PDE10A: variants seen among roughly 807,000 people sequenced by gnomAD.
PDE10A encodes cAMP and cAMP-inhibited cGMP 3',5'-cyclic phosphodiesterase 10A.
In PDE10A, 39 loss-of-function variants were observed where a neutral mutation model predicts 97.7. That is an observed-to-expected ratio of 0.40 (90% CI 0.31 to 0.52). The LOEUF (loss-of-function observed/expected upper bound fraction) is 0.52. PDE10A is among the 20% of genes least tolerant of loss of function. The pLI, the probability that PDE10A is intolerant of heterozygous loss-of-function variation, is 0.56. For synonymous variants in PDE10A, 371 were observed against 376.8 expected (o/e 0.98, Z 0.18); for missense variants, 731 against 1,047.8 (o/e 0.70, Z 4.17).
chr6:165,430,499 A>G (rs1017025522), intron 8 of PDE10A, among the ~76,000 whole-genome samples, 154 bp from the exon 9 acceptor site: 2 of 152,192 alleles, frequency 1.3e-5, no homozygotes, highest in Admixed American at 1.3e-4. Context: ...ATTAATATTT[A>G]CTGAATACTT....
At chr6:165,459,755 C>A (rs1353698363) in intron 3 of PDE10A, among the ~76,000 whole-genome samples, 2 of 152,048 alleles carry the variant, frequency 1.3e-5, no homozygotes, top group Non-Finnish European at 2.9e-5. Context: ...CGGAGGTAAT[C>A]TGCATAAAGC....
chr6:165,804,333 G>A (rs997266342), intron 1 of PDE10A, among the ~76,000 whole-genome samples: 2 of 152,184 alleles, frequency 1.3e-5, no homozygotes, highest in African/African-American at 4.8e-5. Context: ...GTTGACAGCT[G>A]CTACAGGAAT....
chr6:165,711,620 G>C lies in PDE10A; in HGVS notation c.-614-168052C>G, dbSNP rs1791897374. On this transcript the variant is annotated intron_variant, in intron 1 of 19. Transcript: ENST00000366882. This position sits in a 1 kb window ranked among gnomAD's most constrained non-coding sequence, Gnocchi z 4.5. ...GGAATGTGAGTGTGTGTCTTGGTAGGGTCAATGAGATGAAGGTAAGAGAAG... is the reference window on the plus strand; with the variant it reads ...GGAATGTGAGTGTGTGTCTTGGTAGCGTCAATGAGATGAAGGTAAGAGAAG... Among the ~76,000 whole-genome samples the C allele has an allele frequency of 6.6e-6, 1 of 152,066 alleles. No homozygotes were observed. Among genetic ancestry groups the C allele is most frequent in the African/African-American group, 2.4e-5 (1 of 41,398 alleles).
chr6:165,396,252 T>C lies in PDE10A; in HGVS notation c.2219+65A>G, dbSNP rs563612950. The C allele has an allele frequency of 2.8e-6, 4 of 1,443,714 alleles. No homozygotes were observed. The African/African-American group carries it at 4.2e-5, about 15-fold the overall frequency. The allele number at this position is 1,443,714 out of a possible 1,614,324, so 89.4% of individuals were successfully genotyped here. On this transcript the variant is annotated intron_variant, in intron 14 of 21. Coordinates refer to ENST00000539869, the MANE Select transcript of PDE10A (RefSeq NM_001385079.1). Reference sequence around the variant, plus strand: ...ATTGTGACTCTAATTCTATAATCTGTCTCACTTTAAGTTCAATTCAATTAA... The same window carrying C: ...ATTGTGACTCTAATTCTATAATCTGCCTCACTTTAAGTTCAATTCAATTAA...
At chr6:165,895,761 G>T (rs2457983) in intron 1 of PDE10A, among the ~76,000 whole-genome samples, 130,374 of 151,960 alleles carry the variant, frequency 0.86, 56,472 homozygotes, top group East Asian at 1. Flanking sequence ...TTCCCAAGGG[G>T]CACTAGAATG....
chr6:165,657,799 C>A (rs1025496187), intron 1 of PDE10A, among the ~76,000 whole-genome samples: 2 of 152,170 alleles, frequency 1.3e-5, no homozygotes, highest in Non-Finnish European at 2.9e-5. Flanking sequence ...ACAGCTCTGC[C>A]CTTTGGCCTT....
intron 1 of PDE10A, among the ~76,000 whole-genome samples, chr6:165,831,634 G>A (rs1253439690): frequency 6.6e-6 from 1 of 151,380 alleles, no homozygotes; most frequent in Non-Finnish European, 1.5e-5. Context: ...ACAGGCGCCC[G>A]CCACCACGCC....
intron 10 of PDE10A, among the ~76,000 whole-genome samples, chr6:165,426,968 G>C (rs1031746375): frequency 1.3e-5 from 2 of 152,142 alleles, no homozygotes; most frequent in African/African-American, 4.8e-5. Context: ...ATAATAGTAA[G>C]TGTTGGTGAG....
intron 2 of PDE10A, among the ~76,000 whole-genome samples, chr6:165,496,637 A>G (rs543292186): frequency 6.6e-6 from 1 of 152,238 alleles, no homozygotes; most frequent in Non-Finnish European, 1.5e-5. Flanking sequence ...TTAACTAAAT[A>G]TAAATTTCTT....
chr6:165,491,589 G>T (rs904368214), intron 2 of PDE10A, among the ~76,000 whole-genome samples: 1 of 152,084 alleles, frequency 6.6e-6, no homozygotes, highest in African/African-American at 2.4e-5. Flanking sequence ...AACTCCAAAA[G>T]GGACCCTCAA....
At chr6:165,676,359 C>A (rs1045710840) in intron 1 of PDE10A, among the ~76,000 whole-genome samples, 1 of 152,192 alleles carries the variant, frequency 6.6e-6, no homozygotes, top group Non-Finnish European at 1.5e-5. Flanking sequence ...CATAACTGCA[C>A]TTGTAGCCCT....
At chr6:165,709,338 T>C (rs1791825010) in intron 1 of PDE10A, among the ~76,000 whole-genome samples, 2 of 107,922 alleles carry the variant, frequency 1.9e-5, no homozygotes, top group Non-Finnish European at 1.9e-5. Context: ...TATGCTGTGG[T>C]GCTCTCTCCC....
At chr6:165,462,236 A>G (rs1252806050) in intron 3 of PDE10A, among the ~76,000 whole-genome samples, 1 of 152,236 alleles carries the variant, frequency 6.6e-6, no homozygotes, top group Non-Finnish European at 1.5e-5. Context: ...CTTTTTCTAA[A>G]ACAGCAGTTG....
chr6:165,823,005 C>T (rs1347068265), intron 1 of PDE10A, among the ~76,000 whole-genome samples: 2 of 151,614 alleles, frequency 1.3e-5, no homozygotes, highest in East Asian at 2.0e-4. Context: ...GGCTAATTTT[C>T]GTATTTTTAG....
intron 1 of PDE10A, among the ~76,000 whole-genome samples, chr6:165,924,557 A>T (rs1266435751): frequency 6.6e-6 from 1 of 152,190 alleles, no homozygotes; most frequent in Non-Finnish European, 1.5e-5. Context: ...TCCTAGTGGG[A>T]CAGAAGATCT....
At chr6:165,494,476 G>A (rs1050765728) in intron 2 of PDE10A, among the ~76,000 whole-genome samples, 90 of 148,536 alleles carry the variant, frequency 6.1e-4, no homozygotes, top group African/African-American at 2.2e-3. Context: ...GTGTGTGTGT[G>A]TAATACACAC....
chr6:165,367,241 A>ATG (rs58370634), intron 18 of PDE10A, among the ~76,000 whole-genome samples: 4,378 of 147,334 alleles, frequency 0.03, 81 homozygotes, highest in Non-Finnish European at 0.044. Context: ...ACACACACAT[A>ATG]TGTGTGTGTG....
intron 1 of PDE10A, among the ~76,000 whole-genome samples, chr6:165,694,779 T>C (rs1300057559): frequency 6.6e-6 from 1 of 152,212 alleles, no homozygotes; most frequent in Non-Finnish European, 1.5e-5. Context: ...AAGGGAATGT[T>C]GATGGTAAAG....
intron 13 of PDE10A, among the ~76,000 whole-genome samples, chr6:165,405,894 G>A (rs1415918216): frequency 1.3e-5 from 2 of 152,132 alleles, no homozygotes; most frequent in Non-Finnish European, 2.9e-5. Flanking sequence ...TTGTCCTGTA[G>A]TCTGTGCCAA....
Sources: gnomAD v4.1 joint callset for allele counts (sites outside exome capture counted in the v4.1 genomes callset) on GRCh38, gnomAD v4.1.1 for gene constraint, Gnocchi (gnomAD v3.1) non-coding constraint, MANE v1.5 for transcripts, NCBI Gene and HGNC (gene_info 2026-07-23, HGNC 2026-07-21) for gene names.